The following MSN variants were observed in gnomAD, a reference collection of about 807,000 sequenced individuals.
MSN encodes the protein moesin.
A neutral mutation model predicts 48.0 loss-of-function variants in MSN; 2 were observed. The observed-to-expected ratio is 0.04, with a 90% CI of 0.02 to 0.13. The LOEUF (loss-of-function observed/expected upper bound fraction) is 0.13, where lower values mean the gene tolerates loss of function less well. Among genes scored for constraint, MSN ranks in the 10% least tolerant of loss-of-function variants. The pLI is 1.00. For synonymous variants in MSN, 146 were observed against 166.9 expected (o/e 0.87, Z 0.97); for missense variants, 267 against 470.1 (o/e 0.57, Z 3.99).
intron 1 of MSN, among the ~76,000 whole-genome samples, chrX:65,656,265 CTGTGTGTG>C (rs3087113): frequency 0.17 from 15,471 of 92,686 alleles, 3,324 homozygotes; most frequent in African/African-American, 0.56. Flanking sequence ...AGATCTATGC[CTGTGTGTG>C]TGTGTGTGTG....
intron 1 of MSN, among the ~76,000 whole-genome samples, chrX:65,655,432 G>A (rs1163615053): frequency 8.9e-6 from 1 of 111,903 alleles, no homozygotes; most frequent in East Asian, 2.8e-4. Context: ...TTATTTGAGG[G>A]CTTCTTACAT....
At chrX:65,606,542 CT>C (rs2070281005) in intron 1 of MSN, among the ~76,000 whole-genome samples, 2 of 112,150 alleles carry the variant, frequency 1.8e-5, no homozygotes, top group South Asian at 7.3e-4. Context: ...CCTGCCTCAG[CT>C]TCCTGGGTAG....
chrX:65,710,579 A>G (rs1317728502), intron 1 of MSN, among the ~76,000 whole-genome samples: 1 of 112,344 alleles, frequency 8.9e-6, no homozygotes, highest in Non-Finnish European at 1.9e-5. Context: ...AAATAAAAAT[A>G]AAAATAAAAT....
At chrX:65,671,280 C>T (rs1160199836) in intron 1 of MSN, among the ~76,000 whole-genome samples, 4 of 109,918 alleles carry the variant, frequency 3.6e-5, no homozygotes, top group Non-Finnish European at 1.9e-5. Flanking sequence ...CTTGGTGAAA[C>T]ACCTCTTTGA....
chrX:65,659,606 T>A (rs1235617638), intron 1 of MSN, among the ~76,000 whole-genome samples: 1 of 111,251 alleles, frequency 9.0e-6, no homozygotes, highest in Non-Finnish European at 1.9e-5. Context: ...GACCAAATAT[T>A]CCTTTGCATC....
At chrX:65,611,780 G>A (rs1038415257) in intron 1 of MSN, among the ~76,000 whole-genome samples, 2 of 110,285 alleles carry the variant, frequency 1.8e-5, no homozygotes, top group African/African-American at 3.3e-5. Flanking sequence ...ATTTTTTGAG[G>A]TATTGTCATA....
At chrX:65,716,726 T>C (rs2071469848) in intron 1 of MSN, 92 bp from the exon 2 acceptor site, 2 of 800,408 alleles carry the variant, frequency 2.5e-6, no homozygotes, top group Admixed American at 2.4e-5. Context: ...GCATCCTAAC[T>C]CCTTCCTCTG....
At chrX:65,618,636 A>C (rs1167019507) in intron 1 of MSN, among the ~76,000 whole-genome samples, 3 of 111,227 alleles carry the variant, frequency 2.7e-5, no homozygotes, top group African/African-American at 9.8e-5. Flanking sequence ...AATACAGCAC[A>C]CTGTTGGGTC....
intron 1 of MSN, among the ~76,000 whole-genome samples, chrX:65,649,688 A>T (rs1156841266): frequency 9.4e-6 from 1 of 106,645 alleles, no homozygotes; most frequent in Non-Finnish European, 1.9e-5. Context: ...TATATATATA[A>T]AATTGGGTAC....
At chrX:65,696,147 A>G (rs778158629) in intron 1 of MSN, among the ~76,000 whole-genome samples, 3 of 110,116 alleles carry the variant, frequency 2.7e-5, no homozygotes, top group African/African-American at 1.0e-4. Flanking sequence ...CCCTTGCTGT[A>G]TAGAATGGTA....
intron 1 of MSN, among the ~76,000 whole-genome samples, chrX:65,609,747 G>T (rs958678635): frequency 1.4e-4 from 16 of 111,440 alleles, no homozygotes; most frequent in Non-Finnish European, 2.8e-4. Flanking sequence ...GCCGGGCGTG[G>T]TGGCATGTGC....
intron 1 of MSN, among the ~76,000 whole-genome samples, chrX:65,655,441 A>G (rs757785541): frequency 8.9e-6 from 1 of 112,297 alleles, no homozygotes; most frequent in East Asian, 2.8e-4. Flanking sequence ...GGCTTCTTAC[A>G]TATTGATTTT....
chrX:65,668,441 T>C (rs2070895749), intron 1 of MSN, among the ~76,000 whole-genome samples: 1 of 111,872 alleles, frequency 8.9e-6, no homozygotes, highest in Non-Finnish European at 1.9e-5. Flanking sequence ...CCAACACTTA[T>C]TTAGGCACCA....
intron 1 of MSN, among the ~76,000 whole-genome samples, chrX:65,610,371 T>G (rs2070311106): frequency 8.9e-6 from 1 of 112,609 alleles, no homozygotes; most frequent in Non-Finnish European, 1.9e-5. Context: ...TGTCCTTTTG[T>G]TTTTGGCTTA....
chrX:65,607,556 C>G (rs1449993351), intron 1 of MSN, among the ~76,000 whole-genome samples: 1 of 111,471 alleles, frequency 9.0e-6, no homozygotes, highest in Non-Finnish European at 1.9e-5. Context: ...CCCTTGTATT[C>G]ATGATATCAT....
chrX:65,594,567 C>T (rs1316342290), intron 1 of MSN, among the ~76,000 whole-genome samples: 2 of 111,204 alleles, frequency 1.8e-5, no homozygotes, highest in African/African-American at 3.3e-5. Context: ...TAGAATACCA[C>T]AGAACATTAT....
intron 1 of MSN, among the ~76,000 whole-genome samples, chrX:65,612,193 T>C (rs899136202): frequency 4.9e-5 from 5 of 101,617 alleles, no homozygotes; most frequent in African/African-American, 2.3e-4. Context: ...GGTTTGTTAT[T>C]GTGGGAAAAG....
intron 1 of MSN, among the ~76,000 whole-genome samples, chrX:65,654,113 T>G (rs1333972764): frequency 1.0e-5 from 1 of 95,392 alleles, no homozygotes; most frequent in East Asian, 3.2e-4. Context: ...CTTTTTTTTT[T>G]TTTTTTTTTT....
chrX:65,681,897 G>A (rs1284164387), intron 1 of MSN, among the ~76,000 whole-genome samples: 5 of 111,514 alleles, frequency 4.5e-5, no homozygotes, highest in Non-Finnish European at 9.4e-5. Flanking sequence ...ACCCCACATA[G>A]GTGCCCCTAC....
Sources: gnomAD v4.1 joint callset for allele counts (sites outside exome capture counted in the v4.1 genomes callset) on GRCh38, gnomAD v4.1.1 for gene constraint, MANE v1.5 for transcripts, NCBI Gene and HGNC (gene_info 2026-07-23, HGNC 2026-07-21) for gene names.